The following WIPF2 variants were observed in gnomAD, a reference collection of about 807,000 sequenced individuals.
The protein encoded by WIPF2 is WAS/WASL-interacting protein family member 2.
WIPF2 carries 23 observed loss-of-function variants against 38.8 expected under a neutral mutation model. That is an observed-to-expected ratio of 0.59 (90% CI 0.43 to 0.84). The LOEUF (loss-of-function observed/expected upper bound fraction) is 0.84, where lower values mean the gene tolerates loss of function less well. WIPF2 is among the 40% of genes least tolerant of loss of function. The pLI is 0.00. For synonymous variants in WIPF2, 210 were observed against 223.2 expected (o/e 0.94, Z 0.53); for missense variants, 574 against 580.5 (o/e 0.99, Z 0.11).
chr17:40,224,019 A>G (rs2030366796), intron 1 of WIPF2, among the ~76,000 whole-genome samples: 1 of 151,946 alleles, frequency 6.6e-6, no homozygotes, highest in Non-Finnish European at 1.5e-5. Context: ...GCTTCAGCAA[A>G]CATAGTCTTC....
At chr17:40,224,172 C>A (rs891590175) in intron 1 of WIPF2, among the ~76,000 whole-genome samples, 1 of 148,324 alleles carries the variant, frequency 6.7e-6, no homozygotes, top group Non-Finnish European at 1.5e-5. Flanking sequence ...CATATGGAGG[C>A]TCGGTGCTCC....
At chr17:40,222,600 T>TGTGTGTGTGTGTGTCTGC (rs750121581) in intron 1 of WIPF2, among the ~76,000 whole-genome samples, 3 of 149,752 alleles carry the variant, frequency 2.0e-5, no homozygotes, top group Non-Finnish European at 4.4e-5. Context: ...TGTGTGTGTG[T>TGTGTGTGTGTGTGTCTGC]GTGTGTCTGC....
chr17:40,252,794 G>T (rs908169212), intron 1 of WIPF2, among the ~76,000 whole-genome samples: 4 of 150,204 alleles, frequency 2.7e-5, no homozygotes, highest in Non-Finnish European at 4.4e-5. Context: ...ATGGAGTTTC[G>T]CTCTTGTTGC....
intron 1 of WIPF2, chr17:40,220,613 A>ATATATATATATG (rs1567705902): frequency 2.4e-5 from 2 of 81,894 alleles, no homozygotes; most frequent in Non-Finnish European, 4.6e-5. Context: ...ATATATATAT[A>ATATATATATATG]TATATGTATA....
At chr17:40,220,636 T>TTG (rs2030188718) in intron 1 of WIPF2, 6 of 140,070 alleles carry the variant, frequency 4.3e-5, no homozygotes, top group Admixed American at 2.2e-4. Flanking sequence ...TATATATTTT[T>TTG]TTGTTGTTGT....
At chr17:40,274,751 T>TGG (rs970516419) in intron 6 of WIPF2, among the ~76,000 whole-genome samples, 1 of 150,946 alleles carries the variant, frequency 6.6e-6, no homozygotes, top group African/African-American at 2.4e-5. Context: ...AAGACCAGCC[T>TGG]GGGCAACATG....
At chr17:40,240,444 T>A (rs2031149566) in intron 1 of WIPF2, among the ~76,000 whole-genome samples, 1 of 151,908 alleles carries the variant, frequency 6.6e-6, no homozygotes, top group African/African-American at 2.4e-5. Flanking sequence ...GCCTCTAATT[T>A]CTGAGACGTT....
chr17:40,220,601 ATATATATATATATATATG>A (rs1481550107), intron 1 of WIPF2: 8 of 86,900 alleles, frequency 9.2e-5, no homozygotes, highest in African/African-American at 2.6e-4. Context: ...ATATATATAT[ATATATATATATATATATG>A]TATATATATA....
chr17:40,256,868 T>C (rs1386482907), intron 2 of WIPF2, among the ~76,000 whole-genome samples: 1 of 152,134 alleles, frequency 6.6e-6, no homozygotes, highest in Non-Finnish European at 1.5e-5. Flanking sequence ...TCACTCTAAA[T>C]GGAGATTTGG....
chr17:40,229,726 GA>G (rs1475327391), intron 1 of WIPF2, among the ~76,000 whole-genome samples: 1 of 152,158 alleles, frequency 6.6e-6, no homozygotes, highest in Non-Finnish European at 1.5e-5. Flanking sequence ...CTGGCCCAAA[GA>G]CATTTATTAA....
intron 1 of WIPF2, among the ~76,000 whole-genome samples, chr17:40,256,009 G>C (rs1321644606): frequency 6.6e-6 from 1 of 151,178 alleles, no homozygotes; most frequent in African/African-American, 2.4e-5. Flanking sequence ...TGGGAGGATT[G>C]CTGGGGCTCA....
intron 2 of WIPF2, among the ~76,000 whole-genome samples, chr17:40,257,344 T>G (rs2145365550): frequency 6.6e-6 from 1 of 151,760 alleles, no homozygotes; most frequent in Admixed American, 6.6e-5. Flanking sequence ...CAGTTCATTT[T>G]AAAGCCAAGT....
At chr17:40,249,906 A>C (rs890714077) in intron 1 of WIPF2, among the ~76,000 whole-genome samples, 4 of 143,652 alleles carry the variant, frequency 2.8e-5, no homozygotes, top group South Asian at 2.2e-4. Flanking sequence ...GACCTTGGCT[A>C]ACTGCAACCT....
At chr17:40,276,520 CAA>C (rs1160459322) in intron 6 of WIPF2, among the ~76,000 whole-genome samples, 356 of 71,580 alleles carry the variant, frequency 5.0e-3, no homozygotes, top group African/African-American at 0.021. Context: ...GACTCCGTCT[CAA>C]AAAAAAAAAA....
intron 1 of WIPF2, among the ~76,000 whole-genome samples, chr17:40,241,957 A>G (rs558566567): frequency 6.6e-6 from 1 of 152,316 alleles, no homozygotes; most frequent in South Asian, 2.1e-4. Flanking sequence ...GCAGTGTTGC[A>G]GAGGCTAACT....
At chr17:40,246,932 A>G (rs184408349) in intron 1 of WIPF2, among the ~76,000 whole-genome samples, 59 of 151,828 alleles carry the variant, frequency 3.9e-4, no homozygotes, top group Admixed American at 2.0e-3. Flanking sequence ...CAACATAGTG[A>G]AACCCCGTCT....
At chr17:40,259,290 C>A (rs1270029980) in intron 2 of WIPF2, among the ~76,000 whole-genome samples, 1 of 151,306 alleles carries the variant, frequency 6.6e-6, no homozygotes, top group Non-Finnish European at 1.5e-5. Flanking sequence ...TTTCTTCTGG[C>A]GATCATGAGG....
intron 1 of WIPF2, among the ~76,000 whole-genome samples, chr17:40,241,839 AG>A (rs1439601690): frequency 3.3e-5 from 5 of 152,136 alleles, no homozygotes; most frequent in African/African-American, 9.6e-5. Flanking sequence ...GAAAAGAAAA[AG>A]GGTTGTATCT....
chr17:40,231,935 CTTTT>C (rs71152658), intron 1 of WIPF2, among the ~76,000 whole-genome samples: 8 of 104,270 alleles, frequency 7.7e-5, no homozygotes, highest in African/African-American at 2.6e-4. Flanking sequence ...TTTTTTCTTT[CTTTT>C]TTTTTTTTTT....
Sources: allele counts gnomAD v4.1 joint callset (sites outside exome capture counted in the v4.1 genomes callset), GRCh38; gene constraint gnomAD v4.1.1; transcripts MANE v1.5; gene names NCBI Gene and HGNC (gene_info 2026-07-23, HGNC 2026-07-21).